The following FLNB variants were observed in gnomAD, a reference collection of about 807,000 sequenced individuals.
FLNB encodes the protein filamin-B.
FLNB carries 111 observed loss-of-function variants against 250.6 expected under a neutral mutation model. The observed-to-expected ratio is 0.44, with a 90% CI of 0.38 to 0.52. FLNB has a LOEUF of 0.52. Ranked by LOEUF, FLNB falls within the 20% of genes least tolerant of loss-of-function variation. FLNB has a pLI of 0.00. For synonymous variants in FLNB, 1,302 were observed against 1,372.1 expected (o/e 0.95, Z 1.13); for missense variants, 2,869 against 3,447.8 (o/e 0.83, Z 4.20).
intron 29 of FLNB, among the ~76,000 whole-genome samples, chr3:58,141,655 G>A (rs957203592): frequency 6.6e-6 from 1 of 152,194 alleles, no homozygotes; most frequent in Non-Finnish European, 1.5e-5. Context: ...GGGGTTGTGG[G>A]CTCACAGGGC....
rs2097093756 is a variant in FLNB at position 58,008,597 on chromosome 3, C to A, written c.33C>A (p.Asp11Glu). Reference sequence around the variant, plus strand: ...TAACCGAGAAGGATCTAGCTGAGGACGCGCCTTGGAAGAAGATCCAGCAGA... The same window carrying A: ...TAACCGAGAAGGATCTAGCTGAGGAAGCGCCTTGGAAGAAGATCCAGCAGA... MPVTEKDLAE[D>E]APWKKIQQNT... Residue 11 changes from aspartate to glutamate, a missense_variant, in exon 1 of 46, where the codon GAC becomes GAA. Coordinates refer to ENST00000295956, the MANE Select transcript of FLNB (RefSeq NM_001457.4). The A allele has an allele frequency of 6.2e-7, 1 of 1,609,370 alleles. No homozygotes were observed.
In FLNB at chr3:58,121,290, A is replaced by G; in HGVS notation, c.2913A>G (p.Ala971=). The G allele has an allele frequency of 6.2e-7, 1 of 1,614,098 alleles. No individual in the cohort carries two copies. Among genetic ancestry groups the G allele is most frequent in the South Asian group, 1.1e-5 (1 of 91,070 alleles). The change falls in exon 20 of 46, where the codon GCA becomes GCG. Residue 971 remains alanine (A), a synonymous_variant. Transcript: ENST00000295956. ...AGTTCACCGTTGATACCAGGGGGGCAGGAGGCCAGGGGAAGCTGGACGTGA... is the reference window on the plus strand; with the variant it reads ...AGTTCACCGTTGATACCAGGGGGGCGGGAGGCCAGGGGAAGCTGGACGTGA... ...DQEFTVDTRG[A]GGQGKLDVTI...
chr3:58,010,496 G>A (rs573438830), intron 1 of FLNB, among the ~76,000 whole-genome samples: 10 of 152,230 alleles, frequency 6.6e-5, no homozygotes, highest in African/African-American at 2.2e-4. Context: ...GAATCTGCAT[G>A]GCACGCTGTT....
chr3:58,059,494 G>T (rs2097174971), intron 1 of FLNB, among the ~76,000 whole-genome samples: 1 of 152,186 alleles, frequency 6.6e-6, no homozygotes, highest in African/African-American at 2.4e-5. Flanking sequence ...GAGCCGGGAA[G>T]CAGCTTCTGA....
intron 36 of FLNB, chr3:58,149,241 G>A (rs2097340946): frequency 6.8e-6 from 2 of 292,000 alleles, no homozygotes; most frequent in Non-Finnish European, 1.3e-5. Context: ...TTGTGGAAAT[G>A]AAGCATCTCT....
chr3:58,092,047 GACAA>G (rs1576701999), intron 4 of FLNB, among the ~76,000 whole-genome samples: 1 of 152,060 alleles, frequency 6.6e-6, no homozygotes, highest in Non-Finnish European at 1.5e-5. Context: ...TTAAAAAACA[GACAA>G]ACATTTAACC....
chr3:58,111,827 C>T lies in FLNB; in HGVS notation c.2521C>T (p.Pro841Ser). The T allele has an allele frequency of 6.2e-7, 1 of 1,614,114 alleles. No homozygotes were observed. The highest frequency in any genetic ancestry group is 2.2e-5 in the East Asian group (1 of 44,888). The change falls in exon 17 of 46, where the codon CCT becomes TCT. Residue 841 changes from proline to serine, a missense_variant. Transcript: ENST00000295956. Reference sequence around the variant, plus strand: ...CAGCCCTTTCAGAGTCAAAGTTGACCCTTCCCACGATGCCAGCAAAGTGAA... The same window carrying T: ...CAGCCCTTTCAGAGTCAAAGTTGACTCTTCCCACGATGCCAGCAAAGTGAA... ...PASPFRVKVD[P>S]SHDASKVKAE...
intron 1 of FLNB, among the ~76,000 whole-genome samples, chr3:58,066,217 CTT>C (rs754973485): frequency 1.4e-4 from 20 of 138,208 alleles, no homozygotes; most frequent in Admixed American, 2.9e-4. Flanking sequence ...TTCTTTTTTT[CTT>C]TTTTTTTTTT....
chr3:58,046,996 G>A (rs1367403307), intron 1 of FLNB, among the ~76,000 whole-genome samples: 1 of 152,158 alleles, frequency 6.6e-6, no homozygotes, highest in African/African-American at 2.4e-5. Flanking sequence ...GAATGTGTAG[G>A]ATTTGAATTT....
Position 58,112,271 on chromosome 3 carries a change from G to A in FLNB, c.2698G>A (p.Asp900Asn), listed in dbSNP as rs142925991. ...GDAVKDLDIIDNYDYSHTVKY... is the reference protein window; with the variant it reads ...GDAVKDLDIINNYDYSHTVKY... Reference sequence around the variant, plus strand: ...TGCAGTGAAGGATTTGGATATCATCGATAATTATGACTACTCTCACACGGT... The same window carrying A: ...TGCAGTGAAGGATTTGGATATCATCAATAATTATGACTACTCTCACACGGT... The change falls in exon 18 of 46, where the codon GAT (aspartate) becomes AAT (asparagine). Residue 900 changes from aspartate (D) to asparagine (N), a missense_variant. Physicochemically the swap from Asp to Asn is conservative, Grantham distance 23. Transcript: ENST00000295956. 4.3e-6 allele frequency: 7 copies of A among 1,613,844 alleles called. No homozygotes were observed. The highest frequency in any genetic ancestry group is 1.3e-5 in the African/African-American group (1 of 74,894).
chr3:58,163,671 T>C (rs1366080993), intron 43 of FLNB: 2 of 341,408 alleles, frequency 5.9e-6, no homozygotes, highest in Non-Finnish European at 1.1e-5. Context: ...TTTCTTTGCC[T>C]GCACAGAATT....
At chr3:58,068,616 GGTTT>G (rs2097189489) in intron 1 of FLNB, among the ~76,000 whole-genome samples, 1 of 152,012 alleles carries the variant, frequency 6.6e-6, no homozygotes, top group Admixed American at 6.5e-5. Context: ...ATTCAGCCAT[GGTTT>G]GTTTGGGCTC....
At position 58,145,980 on chromosome 3, in the gene FLNB, C is replaced by A; in HGVS notation, c.5485C>A (p.Pro1829Thr). ...CAGTGGAAGTGTTTCTGCATACGGT[C>A]CAGGCCTCGTGTATGGAGTGGCCAA... The part of the protein sequence containing the change: ...PNSGSVSAYG[P>T]GLVYGVANKT... The change falls in exon 33 of 46, where the codon CCA (proline) becomes ACA (threonine). Residue 1829 changes from proline (P) to threonine (T), a missense_variant. By Grantham distance (38) the Pro-to-Thr change is conservative. Transcript: ENST00000295956. 6.2e-7 allele frequency: 1 copy of A among 1,614,106 alleles called. No individual in the cohort carries two copies. The highest frequency in any genetic ancestry group is 1.1e-5 in the South Asian group (1 of 91,068).
chr3:58,132,277 G>A (rs1461277141), intron 25 of FLNB: 1 of 490,624 alleles, frequency 2.0e-6, no homozygotes, highest in Non-Finnish European at 3.7e-6. Flanking sequence ...GGGTCCCCTT[G>A]CCCCATGAGA....
intron 1 of FLNB, among the ~76,000 whole-genome samples, chr3:58,073,097 A>G (rs2097197009): frequency 6.6e-6 from 1 of 152,114 alleles, no homozygotes; most frequent in Non-Finnish European, 1.5e-5. Flanking sequence ...GGTGCAAGAG[A>G]TCAATGCCTT....
In FLNB at chr3:58,123,117, G is replaced by A. The variant is rs751757179; in HGVS notation, c.3151G>A (p.Glu1051Lys). 3.7e-6 allele frequency: 6 copies of A among 1,614,198 alleles called. No homozygotes were observed. The highest frequency in any genetic ancestry group is 3.3e-5 in the South Asian group (3 of 91,086). Residue 1051 changes from glutamate (E) to lysine (K), a missense_variant, in exon 21 of 46, where the codon GAA becomes AAA. By Grantham distance (56) the Glu-to-Lys change is moderately conservative (BLOSUM62 1). Around this residue, in one of 5 missense-constraint regions of FLNB, gnomAD observed 1,348 missense variants for 1,466.7 expected, o/e 0.92. Coordinates refer to ENST00000295956, the MANE Select transcript of FLNB (RefSeq NM_001457.4). ...SKVKAHGPGL[E>K]GGLVGKPAEF... Reference sequence around the variant, plus strand: ...GGTGAAGGCCCACGGTCCCGGCCTCGAAGGTGGTCTCGTGGGCAAGCCTGC... The same window carrying A: ...GGTGAAGGCCCACGGTCCCGGCCTCAAAGGTGGTCTCGTGGGCAAGCCTGC...
At chr3:58,102,182 A>G in intron 8 of FLNB, 21 bp from the exon 9 acceptor site, 3 of 1,614,074 alleles carry the variant, frequency 1.9e-6, no homozygotes, top group Middle Eastern at 1.7e-4. Context: ...GATTGAATTG[A>G]TGTCAAAACT....
intron 41 of FLNB, among the ~76,000 whole-genome samples, chr3:58,156,824 G>A (rs2097354036): frequency 6.6e-6 from 1 of 152,186 alleles, no homozygotes; most frequent in Non-Finnish European, 1.5e-5. Context: ...AGCCTCCTGA[G>A]TAGCTGAGAC....
intron 43 of FLNB, chr3:58,165,770 A>AGT (rs1465177632): frequency 2.0e-5 from 3 of 152,156 alleles, no homozygotes; most frequent in African/African-American, 7.2e-5. Flanking sequence ...CAGGAACCCC[A>AGT]GTGTGCTCGG....
Sources: gnomAD v4.1 joint callset for allele counts (sites outside exome capture counted in the v4.1 genomes callset) on GRCh38, gnomAD v4.1.1 for gene constraint, gnomAD v4.1.1 regional missense constraint, MANE v1.5 for transcripts, NCBI Gene and HGNC (gene_info 2026-07-23, HGNC 2026-07-21) for gene names.